Variants in CRISPLD2 observed in about 807,000 individuals in gnomAD.
CRISPLD2 encodes the protein cysteine-rich secretory protein LCCL domain-containing 2.
CRISPLD2 carries 47 observed loss-of-function variants against 71.1 expected under a neutral mutation model. The observed-to-expected ratio is 0.66, with a 90% confidence interval of 0.52 to 0.84. The LOEUF is 0.84. Ranked by LOEUF, CRISPLD2 falls within the 40% of genes least tolerant of loss-of-function variation. The probability of loss-of-function intolerance (pLI) is 0.00; values close to 1 mark genes in which losing one functional copy is unlikely to be tolerated. For synonymous variants in CRISPLD2, 317 were observed against 250.1 expected (o/e 1.27, Z -2.52); for missense variants, 830 against 651.1 (o/e 1.27, Z -2.99).
intron 6 of CRISPLD2, among the ~76,000 whole-genome samples, chr16:84,866,563 G>C (rs763254710): frequency 6.6e-6 from 1 of 152,118 alleles, no homozygotes; most frequent in Non-Finnish European, 1.5e-5. Context: ...GTTGCTTCGT[G>C]GGGGCAGAGG....
At chr16:84,897,840 C>T (rs960369952) in intron 14 of CRISPLD2, among the ~76,000 whole-genome samples, 20 of 152,230 alleles carry the variant, frequency 1.3e-4, no homozygotes, top group African/African-American at 4.8e-4. Flanking sequence ...TGGTCTCGAA[C>T]CCCTGACCTC....
chr16:84,871,050 C>G (rs2071464409), intron 8 of CRISPLD2, among the ~76,000 whole-genome samples: 2 of 152,104 alleles, frequency 1.3e-5, no homozygotes, highest in Non-Finnish European at 2.9e-5. Context: ...GAATGAGACT[C>G]TGTCTCAAAA....
intron 13 of CRISPLD2, chr16:84,880,830 C>G: frequency 6.2e-6 from 2 of 322,510 alleles, no homozygotes; most frequent in Admixed American, 8.1e-5. Context: ...CTCAACCTGC[C>G]AAGTAGCTGG....
chr16:84,860,058 C>G (rs191988753), intron 6 of CRISPLD2, among the ~76,000 whole-genome samples: 2 of 144,606 alleles, frequency 1.4e-5, no homozygotes, highest in Non-Finnish European at 3.0e-5. Context: ...GACTAATCCA[C>G]TCTACCATCC....
At chr16:84,882,226 T>G (rs148355057) in intron 13 of CRISPLD2, among the ~76,000 whole-genome samples, 1 of 151,814 alleles carries the variant, frequency 6.6e-6, no homozygotes, top group East Asian at 1.9e-4. Context: ...AAAGTGGAAT[T>G]TAAAGTTAAA....
In CRISPLD2 at chr16:84,907,921, C is replaced by T. The variant is rs889951286; in HGVS notation, c.*1279C>T. On this transcript the variant is annotated 3_prime_UTR_variant, in exon 15 of 15. Coordinates refer to ENST00000262424, the MANE Select transcript of CRISPLD2 (RefSeq NM_031476.4). ...GCTTCATGAGCCCAGACCAAAAGCC[C>T]ACAGTGAAATGAAGTACCCTTTTGT... 6.6e-6 allele frequency: 1 copy of T among 152,204 alleles called. No individual in the cohort carries two copies. Among genetic ancestry groups the T allele is most frequent in the Non-Finnish European group, 1.5e-5 (1 of 68,034 alleles). The allele number at this position is 152,204 out of a possible 1,614,324, so 9.4% of individuals were successfully genotyped here. A position where few individuals can be genotyped will look rare whatever the true frequency, so the allele number is the denominator to read the frequency against.
chr16:84,895,685 C>G (rs2071699752), intron 14 of CRISPLD2, among the ~76,000 whole-genome samples: 1 of 152,160 alleles, frequency 6.6e-6, no homozygotes, highest in Non-Finnish European at 1.5e-5. Context: ...GGATAGTTCA[C>G]TCACCACTTG....
At chr16:84,899,617 G>A (rs139238839) in intron 14 of CRISPLD2, among the ~76,000 whole-genome samples, 1 of 152,186 alleles carries the variant, frequency 6.6e-6, no homozygotes, top group African/African-American at 2.4e-5. Context: ...ATCCTGGGCG[G>A]TGTCAGCACA....
intron 14 of CRISPLD2, among the ~76,000 whole-genome samples, chr16:84,892,350 G>A (rs73253419): frequency 1.3e-5 from 2 of 152,188 alleles, no homozygotes; most frequent in Admixed American, 6.5e-5. Flanking sequence ...AGAGTCACGC[G>A]AACCTGGCAA....
chr16:84,824,539 G>T (rs2143129842), intron 1 of CRISPLD2, among the ~76,000 whole-genome samples: 1 of 152,234 alleles, frequency 6.6e-6, no homozygotes, highest in Middle Eastern at 3.4e-3. Flanking sequence ...TTATGGCAAG[G>T]TGAAAGTCAC....
At chr16:84,821,556 G>A (rs1450521354) in intron 1 of CRISPLD2, among the ~76,000 whole-genome samples, 1 of 152,156 alleles carries the variant, frequency 6.6e-6, no homozygotes, top group Non-Finnish European at 1.5e-5. Context: ...TCACCCCCAG[G>A]TGGGTCCTAT....
intron 14 of CRISPLD2, among the ~76,000 whole-genome samples, chr16:84,892,947 G>A (rs1010326705): frequency 4.4e-5 from 6 of 135,370 alleles, no homozygotes; most frequent in Admixed American, 3.3e-4. Context: ...CTGTACTCCA[G>A]CCTGGGTGAC....
intron 11 of CRISPLD2, among the ~76,000 whole-genome samples, 188 bp downstream of exon 11, chr16:84,874,151 T>C (rs2071499186): frequency 6.6e-6 from 1 of 152,180 alleles, no homozygotes. Flanking sequence ...GGACTGGAAA[T>C]TGGCCTGAGA....
chr16:84,903,551 C>A (rs1418320392), intron 14 of CRISPLD2, among the ~76,000 whole-genome samples: 1 of 151,344 alleles, frequency 6.6e-6, no homozygotes, highest in Non-Finnish European at 1.5e-5. Flanking sequence ...GAGATCACAC[C>A]GTTGCACTCC....
intron 14 of CRISPLD2, among the ~76,000 whole-genome samples, chr16:84,894,680 A>G (rs1324214914): frequency 1.3e-5 from 2 of 152,352 alleles, no homozygotes; most frequent in South Asian, 4.1e-4. Flanking sequence ...TTATCCCAAT[A>G]TATCCATATT....
chr16:84,838,022 G>T (rs1916668680), intron 1 of CRISPLD2, among the ~76,000 whole-genome samples: 1 of 152,186 alleles, frequency 6.6e-6, no homozygotes, highest in Admixed American at 6.6e-5. Context: ...GGTCCACGGA[G>T]CATCCTTTGG....
At chr16:84,864,518 A>C (rs1917482705) in intron 6 of CRISPLD2, among the ~76,000 whole-genome samples, 1 of 152,198 alleles carries the variant, frequency 6.6e-6, no homozygotes, top group Admixed American at 6.5e-5. Flanking sequence ...AAGAACAGAC[A>C]CGCGCCTGGG....
chr16:84,843,848 C>T (rs1916840482), intron 2 of CRISPLD2, among the ~76,000 whole-genome samples: 2 of 152,222 alleles, frequency 1.3e-5, no homozygotes, highest in Non-Finnish European at 2.9e-5. Flanking sequence ...AGGCATGCTA[C>T]TTAACCTCTC....
At chr16:84,877,550 G>C (rs2071530785) in intron 12 of CRISPLD2, 40 bp downstream of exon 12, 1 of 1,599,998 alleles carries the variant, frequency 6.3e-7, no homozygotes, top group African/African-American at 1.3e-5. Flanking sequence ...TATGGAAGAT[G>C]TTAGAAGTAG....
Sources: gnomAD v4.1 joint callset for allele counts (sites outside exome capture counted in the v4.1 genomes callset) on GRCh38, gnomAD v4.1.1 for gene constraint, MANE v1.5 for transcripts, NCBI Gene and HGNC (gene_info 2026-07-23, HGNC 2026-07-21) for gene names.